Variants in XXYLT1 observed in about 807,000 individuals in gnomAD.
XXYLT1 encodes UDP-xylose:alpha-xyloside alpha-1,3-xylosyltransferase.
Under a neutral mutation model 28.9 loss-of-function variants are expected in XXYLT1, and 20 were observed. The ratio of observed to expected loss-of-function variants is 0.69; its 90% CI spans 0.49 to 1.00. The LOEUF is 1.00. Among genes scored for constraint, XXYLT1 ranks in the 50% least tolerant of loss-of-function variants. XXYLT1 has a pLI of 0.00. For missense variants in XXYLT1, 542 were observed against 560.1 expected, an observed-to-expected ratio of 0.97 and a Z score of 0.33; for synonymous variants, 257 against 253.8, an observed-to-expected ratio of 1.01 and a Z score of -0.12.
At chr3:195,158,014 A>G (rs1720692851) in intron 2 of XXYLT1, among the ~76,000 whole-genome samples, 1 of 152,232 alleles carries the variant, frequency 6.6e-6, no homozygotes, top group Non-Finnish European at 1.5e-5. Context: ...GCACAGCACC[A>G]CACTGGCCAA....
intron 2 of XXYLT1, among the ~76,000 whole-genome samples, chr3:195,215,195 C>T (rs1723516378): frequency 6.6e-6 from 1 of 150,418 alleles, no homozygotes; most frequent in Non-Finnish European, 1.5e-5. Context: ...AAGGAACAAC[C>T]GGTACCAGCC....
At chr3:195,106,340 T>C (rs1717084715) in intron 3 of XXYLT1, among the ~76,000 whole-genome samples, 1 of 149,664 alleles carries the variant, frequency 6.7e-6, no homozygotes, top group African/African-American at 2.5e-5. Context: ...TCTTGTTGTG[T>C]TTTTGATGGA....
chr3:195,071,099 AG>A (rs1714778711), intron 3 of XXYLT1, among the ~76,000 whole-genome samples: 1 of 152,126 alleles, frequency 6.6e-6, no homozygotes, highest in Non-Finnish European at 1.5e-5. Context: ...GTGCAGGTGG[AG>A]GGGAGAGGCG....
chr3:195,251,894 G>C (rs1397459107), intron 1 of XXYLT1, among the ~76,000 whole-genome samples: 1 of 152,190 alleles, frequency 6.6e-6, no homozygotes, highest in African/African-American at 2.4e-5. Context: ...CGTGACCCTG[G>C]AGAGCCTCAA....
rs1721648470 is a variant in XXYLT1 at position 195,176,003 on chromosome 3, A to G, written c.653-19422T>C. 1.0e-6 allele frequency: 1 copy of G among 960,144 alleles called. No individual in the cohort carries two copies. The highest frequency in any genetic ancestry group is 4.7e-5 in the East Asian group (1 of 21,206). 59.5% of individuals were successfully genotyped at this position (960,144 alleles called of 1,614,324 possible). On this transcript the variant is annotated intron_variant, in intron 2 of 3. Coordinates refer to ENST00000310380, the MANE Select transcript of XXYLT1 (RefSeq NM_152531.5). This position sits in a 1 kb window ranked among gnomAD's most constrained non-coding sequence, Gnocchi z 4.9. ...CAGAGGTCATCAGTGTATACGTAGC[A>G]GCTTAAGTCAAGTAGACACAATCTT...
In XXYLT1 at chr3:195,210,754, AGAAAATAGTTTTCACT is replaced by A. The variant is rs1723277874; in HGVS notation, c.652+15939_652+15954del. On this transcript the variant is annotated intron_variant, in intron 2 of 3. Coordinates refer to ENST00000310380, the MANE Select transcript of XXYLT1 (RefSeq NM_152531.5). This position sits in a 1 kb window ranked among gnomAD's most constrained non-coding sequence, Gnocchi z 4.8. Reference sequence around the variant, plus strand: ...TCAAATTTGCTCCATAAGAGCTGCCAGAAAATAGTTTTCACTGAAATCACTGGACACATGTTTATAC... The same window carrying A: ...TCAAATTTGCTCCATAAGAGCTGCCAGAAATCACTGGACACATGTTTATAC... 6.6e-6 allele frequency among the ~76,000 whole-genome samples: 1 copy of A among 152,206 alleles called. No individual in the cohort carries two copies. Among genetic ancestry groups the A allele is most frequent in the African/African-American group, 2.4e-5 (1 of 41,470 alleles).
chr3:195,233,447 A>T (rs1368066416), intron 1 of XXYLT1, among the ~76,000 whole-genome samples: 1 of 152,106 alleles, frequency 6.6e-6, no homozygotes, highest in Non-Finnish European at 1.5e-5. Flanking sequence ...CTTCCCTTTT[A>T]GTAAAGGTGA....
At chr3:195,119,287 CAAAAAAAA>C (rs11328657) in intron 3 of XXYLT1, among the ~76,000 whole-genome samples, 2 of 109,584 alleles carry the variant, frequency 1.8e-5, no homozygotes, top group African/African-American at 6.8e-5. Flanking sequence ...CCATCTCAAA[CAAAAAAAA>C]AAAAAAAAAA....
At chr3:195,222,263 C>T (rs145945717) in intron 2 of XXYLT1, among the ~76,000 whole-genome samples, 2 of 152,318 alleles carry the variant, frequency 1.3e-5, no homozygotes, top group East Asian at 1.9e-4. Flanking sequence ...GGACACAGAT[C>T]GCTGGAGAAC....
chr3:195,185,747 G>A lies in XXYLT1; in HGVS notation c.653-29166C>T, dbSNP rs146611241. 3.3e-3 allele frequency among the ~76,000 whole-genome samples: 472 copies of A among 144,434 alleles called. 1 individual carries two copies. Among genetic ancestry groups the A allele is most frequent in the Non-Finnish European group, 4.1e-3 (278 of 67,948 alleles). The allele number at this position is 144,434 out of a possible 152,430, so 94.8% of individuals were successfully genotyped here. On this transcript the variant is annotated intron_variant, in intron 2 of 3. Transcript: ENST00000310380. ...ACGGCATCTTCACTTTCTTCCTTCC[G>A]GTCCTTCCTGAGTGCTTGCAAGTGA... is the stretch of plus-strand genomic sequence containing the variant.
intron 2 of XXYLT1, among the ~76,000 whole-genome samples, chr3:195,164,217 C>T (rs1052703714): frequency 1.3e-5 from 2 of 152,228 alleles, no homozygotes; most frequent in South Asian, 2.1e-4. Flanking sequence ...GGTGTTGCTA[C>T]GGTCACATGG....
At chr3:195,211,070 C>T (rs1577151070) in intron 2 of XXYLT1, among the ~76,000 whole-genome samples, 1 of 152,282 alleles carries the variant, frequency 6.6e-6, no homozygotes, top group Middle Eastern at 3.4e-3. Context: ...GGATTCCACC[C>T]CCAAAGGTTC....
intron 1 of XXYLT1, among the ~76,000 whole-genome samples, chr3:195,229,387 T>C (rs113011354): frequency 0.024 from 3,640 of 152,334 alleles, 120 homozygotes; most frequent in African/African-American, 0.078. Context: ...TCCTTTGTGT[T>C]ACAAACAATC....
chr3:195,206,854 C>CGATG (rs1223706904), intron 2 of XXYLT1, among the ~76,000 whole-genome samples: 1 of 151,922 alleles, frequency 6.6e-6, no homozygotes, highest in African/African-American at 2.4e-5. Context: ...GGGGAGAAGG[C>CGATG]GATGGGTGGG....
chr3:195,122,619 G>A (rs547078067), intron 3 of XXYLT1, among the ~76,000 whole-genome samples: 8 of 152,276 alleles, frequency 5.3e-5, no homozygotes, highest in African/African-American at 9.6e-5. Context: ...AAGGTCCTTC[G>A]ACTCCACAGG....
At chr3:195,186,058 C>T (rs950002865) in intron 2 of XXYLT1, among the ~76,000 whole-genome samples, 1 of 152,182 alleles carries the variant, frequency 6.6e-6, no homozygotes, top group Non-Finnish European at 1.5e-5. Flanking sequence ...TCCTAAGTGC[C>T]TGGACCGCCT....
intron 1 of XXYLT1, among the ~76,000 whole-genome samples, chr3:195,239,544 C>T (rs910038777): frequency 6.6e-6 from 1 of 152,176 alleles, no homozygotes; most frequent in African/African-American, 2.4e-5. Flanking sequence ...TTAATGCCAA[C>T]CTGGAATATA....
intron 3 of XXYLT1, chr3:195,087,132 G>C (rs1715776388): frequency 6.6e-6 from 1 of 152,356 alleles, no homozygotes; most frequent in African/African-American, 2.4e-5. Context: ...GTGGCCCGTT[G>C]ACACGCCACC....
intron 3 of XXYLT1, among the ~76,000 whole-genome samples, chr3:195,107,577 A>G (rs1317022078): frequency 8.0e-5 from 1 of 12,444 alleles, no homozygotes; most frequent in African/African-American, 4.1e-4. Context: ...GAGGAGGGGG[A>G]GGAGGAGGGG....
Sources: allele counts gnomAD v4.1 joint callset (sites outside exome capture counted in the v4.1 genomes callset), GRCh38; gene constraint gnomAD v4.1.1; non-coding constraint Gnocchi (gnomAD v3.1); transcripts MANE v1.5; gene names NCBI Gene and HGNC (gene_info 2026-07-23, HGNC 2026-07-21).